Variants in ZNF516 observed in about 807,000 individuals in gnomAD.
ZNF516 encodes the protein zinc finger protein 516.
ZNF516 carries 19 observed loss-of-function variants against 79.7 expected under a neutral mutation model. The ratio of observed to expected loss-of-function variants is 0.24; its 90% CI spans 0.17 to 0.35. ZNF516 has a LOEUF of 0.35. ZNF516 is among the 10% of genes least tolerant of loss of function. The pLI is 1.00. For synonymous variants in ZNF516, 877 were observed against 739.5 expected, an observed-to-expected ratio of 1.19 and a Z score of -3.02; for missense variants, 1,678 against 1,679.5, an observed-to-expected ratio of 1.00 and a Z score of 0.02.
upstream of ZNF516, chr18:76,495,675 C>G (rs957689636): frequency 6.8e-6 from 8 of 1,181,922 alleles, no homozygotes; most frequent in African/African-American, 1.2e-4. Flanking sequence ...TTTCCGCGCG[C>G]ACACGCGCAT....
chr18:76,380,859 T>A (rs924044783), intron 3 of ZNF516, among the ~76,000 whole-genome samples: 1 of 152,112 alleles, frequency 6.6e-6, no homozygotes, highest in Non-Finnish European at 1.5e-5. Context: ...GCCTCAGCCA[T>A]AGGGCTCCCT....
intron 2 of ZNF516, among the ~76,000 whole-genome samples, chr18:76,444,931 G>A (rs994550687): frequency 9.2e-5 from 14 of 152,278 alleles, no homozygotes; most frequent in East Asian, 1.9e-4. Flanking sequence ...AGAAAGCCCC[G>A]CTTTGGAGGC....
rs2074517522 is a variant in ZNF516, at chr18:76,360,642, AAAAAATATAT to A, written c.*1846_*1855del. On this transcript the variant is annotated 3_prime_UTR_variant, in exon 7 of 7. Coordinates refer to ENST00000443185, the MANE Select transcript of ZNF516 (RefSeq NM_014643.4). ...TCAGAAAAAAATAAGTAAAAAAAAA[AAAAAATATAT>A]ATATATATATATATATATATATATA... 1 of 107,056 alleles carries A rather than the reference AAAAAATATAT, an allele frequency of 9.3e-6. No individual in the cohort carries two copies. The highest frequency in any genetic ancestry group is 3.5e-5 in the African/African-American group (1 of 28,518). 6.6% of individuals were successfully genotyped at this position (107,056 alleles called of 1,614,324 possible). A position where few individuals can be genotyped will look rare whatever the true frequency, so the allele number is the denominator to read the frequency against.
chr18:76,489,801 T>A (rs1231361911), intron 1 of ZNF516, among the ~76,000 whole-genome samples: 2 of 152,210 alleles, frequency 1.3e-5, no homozygotes, highest in African/African-American at 4.8e-5. Context: ...TTAAGCCATC[T>A]GGAAAGATTA....
intron 6 of ZNF516, among the ~76,000 whole-genome samples, chr18:76,365,250 T>C (rs540106659): frequency 3.9e-5 from 6 of 152,360 alleles, no homozygotes; most frequent in African/African-American, 1.4e-4. Flanking sequence ...CTATTAATCA[T>C]AGTCTTTAAA....
intron 1 of ZNF516, among the ~76,000 whole-genome samples, chr18:76,478,410 CA>C (rs1914299105): frequency 6.6e-6 from 1 of 151,624 alleles, no homozygotes; most frequent in Admixed American, 6.6e-5. Context: ...GAGAGGTTGG[CA>C]AAACTAAAAT....
chr18:76,458,993 AG>A (rs2145658354), intron 2 of ZNF516, among the ~76,000 whole-genome samples: 1 of 152,262 alleles, frequency 6.6e-6, no homozygotes, highest in African/African-American at 2.4e-5. Context: ...AGTGTGCCCG[AG>A]GGTGTGTGTG....
intron 2 of ZNF516, among the ~76,000 whole-genome samples, chr18:76,450,188 G>GGGC (rs1259098911): frequency 7.0e-6 from 1 of 143,068 alleles, no homozygotes; most frequent in Non-Finnish European, 1.5e-5. Flanking sequence ...AACTAAAGGG[G>GGGC]GGGGGGTGTT....
intron 1 of ZNF516, among the ~76,000 whole-genome samples, chr18:76,485,520 A>G (rs1162563628): frequency 1.3e-5 from 2 of 152,198 alleles, no homozygotes; most frequent in Admixed American, 6.5e-5. Flanking sequence ...CTTCTTTCGT[A>G]AAACAGAGAA....
chr18:76,492,115 G>A, intron 1 of ZNF516: 1 of 971,744 alleles, frequency 1.0e-6, no homozygotes, highest in Non-Finnish European at 1.2e-6. Context: ...TCTCCGGGGA[G>A]GTAGTGGGCA....
intron 3 of ZNF516, among the ~76,000 whole-genome samples, chr18:76,434,495 C>A (rs1014479191): frequency 6.6e-6 from 1 of 152,166 alleles, no homozygotes. Context: ...CTCTGGAGTC[C>A]GAGAATATCA....
chr18:76,484,720 T>C (rs1200833106), intron 1 of ZNF516, among the ~76,000 whole-genome samples: 2 of 152,192 alleles, frequency 1.3e-5, no homozygotes, highest in African/African-American at 4.8e-5. Flanking sequence ...CCCACACACA[T>C]ATAAAATCCC....
At chr18:76,371,351 C>T (rs924386385) in intron 5 of ZNF516, 116 bp downstream of exon 5, 12 of 1,080,538 alleles carry the variant, frequency 1.1e-5, no homozygotes, top group East Asian at 5.3e-5. Context: ...GGCCCCCCGC[C>T]GCCTGGTAGG....
Position 76,361,885 on chromosome 18 carries a change from CTCA to C in ZNF516, c.*610_*612del, listed in dbSNP as rs746660683. ...GATGGAGCCAGTGAACAATGAGGGT[CTCA>C]TCATCATACCCCTCCGCCAAGCCTG... On this transcript the variant is annotated 3_prime_UTR_variant, in exon 7 of 7. Transcript: ENST00000443185. 1 of 152,246 alleles carries C rather than the reference CTCA, an allele frequency of 6.6e-6. No homozygotes were observed. The highest frequency in any genetic ancestry group is 2.4e-5 in the African/African-American group (1 of 41,416). The allele number at this position is 152,246 out of a possible 1,614,324, so 9.4% of individuals were successfully genotyped here. A position where few individuals can be genotyped will look rare whatever the true frequency, so the allele number is the denominator to read the frequency against.
chr18:76,473,375 A>AAAAAAAAC (rs1568322140), intron 1 of ZNF516, among the ~76,000 whole-genome samples: 1 of 132,016 alleles, frequency 7.6e-6, no homozygotes. Flanking sequence ...AAAAAAAAAA[A>AAAAAAAAC]AAAACACCTA....
chr18:76,427,747 C>CA (rs1443839276), intron 3 of ZNF516, among the ~76,000 whole-genome samples: 1 of 152,100 alleles, frequency 6.6e-6, no homozygotes, highest in Non-Finnish European at 1.5e-5. Flanking sequence ...GATATATAAA[C>CA]AGTTCCTATA....
chr18:76,366,845 G>A (rs2144899443), intron 6 of ZNF516, among the ~76,000 whole-genome samples: 1 of 152,268 alleles, frequency 6.6e-6, no homozygotes, highest in East Asian at 1.9e-4. Context: ...ACAGATAAGG[G>A]AACTTAGGTT....
intron 3 of ZNF516, among the ~76,000 whole-genome samples, chr18:76,413,188 A>G (rs1348140498): frequency 6.6e-6 from 1 of 152,130 alleles, no homozygotes; most frequent in East Asian, 1.9e-4. Context: ...AGTTGACCAC[A>G]CTCTCTCTCT....
chr18:76,387,508 TA>T (rs2075011741), intron 3 of ZNF516: 1 of 152,180 alleles, frequency 6.6e-6, no homozygotes, highest in Non-Finnish European at 1.5e-5. Context: ...ATTGTTTTAA[TA>T]TATTTTATCC....
Sources: gnomAD v4.1 joint callset for allele counts (sites outside exome capture counted in the v4.1 genomes callset) on GRCh38, gnomAD v4.1.1 for gene constraint, MANE v1.5 for transcripts, NCBI Gene and HGNC (gene_info 2026-07-23, HGNC 2026-07-21) for gene names.